ARHGAP15: variants seen among roughly 807,000 people sequenced by gnomAD.
ARHGAP15 encodes the protein rho GTPase-activating protein 15.
Under a neutral mutation model 63.7 loss-of-function variants are expected in ARHGAP15, and 51 were observed. The ratio of observed to expected loss-of-function variants is 0.80; its 90% CI spans 0.64 to 1.01. The LOEUF (loss-of-function observed/expected upper bound fraction) is 1.01, where lower values mean the gene tolerates loss of function less well. ARHGAP15 is among the 50% of genes least tolerant of loss of function. The probability of loss-of-function intolerance (pLI) is 0.00; values close to 1 mark genes in which losing one functional copy is unlikely to be tolerated. For synonymous variants in ARHGAP15, 191 were observed against 193.8 expected (o/e 0.99, Z 0.12); for missense variants, 560 against 564.6 (o/e 0.99, Z 0.08).
intron 12 of ARHGAP15, among the ~76,000 whole-genome samples, chr2:143,644,227 A>C (rs1559098989): frequency 6.6e-6 from 1 of 152,064 alleles, no homozygotes; most frequent in Non-Finnish European, 1.5e-5. Context: ...GTATGATCTA[A>C]TGGTAATAGA....
chr2:143,138,433 A>G (rs537822524), intron 1 of ARHGAP15, among the ~76,000 whole-genome samples: 1 of 152,116 alleles, frequency 6.6e-6, no homozygotes, highest in African/African-American at 2.4e-5. Context: ...GCTGAACTTT[A>G]TTCATGAGGC....
At chr2:143,495,986 ATCT>A (rs1046850917) in intron 9 of ARHGAP15, among the ~76,000 whole-genome samples, 1 of 152,188 alleles carries the variant, frequency 6.6e-6, no homozygotes, top group Admixed American at 6.5e-5. Context: ...TATCTTGTAA[ATCT>A]TCTTTTTTAA....
At chr2:143,344,056 TTGCC>T in intron 6 of ARHGAP15, 1 of 152,194 alleles carries the variant, frequency 6.6e-6, no homozygotes. Flanking sequence ...AAAAAACAGA[TTGCC>T]AGGCAGGCTT....
At chr2:143,155,754 A>G in intron 2 of ARHGAP15, 99 bp downstream of exon 2, 2 of 1,271,892 alleles carry the variant, frequency 1.6e-6, no homozygotes, top group Non-Finnish European at 2.2e-6. Context: ...TGTTTTCCTA[A>G]TGTGCATGAG....
intron 6 of ARHGAP15, among the ~76,000 whole-genome samples, chr2:143,266,606 A>C (rs1681010852): frequency 6.6e-6 from 1 of 152,188 alleles, no homozygotes; most frequent in Non-Finnish European, 1.5e-5. Context: ...AAAATGAAAC[A>C]TTTCTGAGAT....
At chr2:143,201,997 C>T in intron 2 of ARHGAP15, 137 bp from the exon 3 acceptor site, 1 of 726,746 alleles carries the variant, frequency 1.4e-6, no homozygotes, top group South Asian at 1.6e-5. Flanking sequence ...AGTCAATGTC[C>T]AAAACATTTA....
At chr2:143,742,614 G>A (rs147457768) in intron 13 of ARHGAP15, among the ~76,000 whole-genome samples, 169 of 152,320 alleles carry the variant, frequency 1.1e-3, no homozygotes, top group Middle Eastern at 6.8e-3. Flanking sequence ...TTTACAAAAC[G>A]ATTCCAATCT....
chr2:143,309,602 A>G (rs903468189), intron 6 of ARHGAP15, among the ~76,000 whole-genome samples: 1 of 152,096 alleles, frequency 6.6e-6, no homozygotes, highest in Non-Finnish European at 1.5e-5. Context: ...GTTAGTTGAT[A>G]CAAATACTTG....
intron 4 of ARHGAP15, among the ~76,000 whole-genome samples, chr2:143,227,457 A>G (rs1693254467): frequency 6.6e-6 from 1 of 152,130 alleles, no homozygotes; most frequent in Non-Finnish European, 1.5e-5. Flanking sequence ...TTCTTAATGG[A>G]GGATAGAGGT....
intron 8 of ARHGAP15, among the ~76,000 whole-genome samples, chr2:143,446,123 G>C (rs1051705197): frequency 2.0e-5 from 3 of 149,358 alleles, no homozygotes; most frequent in Non-Finnish European, 4.5e-5. Flanking sequence ...TCTTGAAATT[G>C]AGTTTCCAGA....
At chr2:143,371,778 A>G (rs148167324) in intron 6 of ARHGAP15, among the ~76,000 whole-genome samples, 252 of 152,304 alleles carry the variant, frequency 1.7e-3, no homozygotes, top group African/African-American at 6.0e-3. Context: ...GCAATCATTT[A>G]TATGTGTACT....
intron 13 of ARHGAP15, among the ~76,000 whole-genome samples, chr2:143,764,058 AT>A (rs938415013): frequency 7.5e-4 from 114 of 152,206 alleles, no homozygotes; most frequent in African/African-American, 2.7e-3. Flanking sequence ...TTAAAAATTT[AT>A]TTTTTAAATG....
intron 12 of ARHGAP15, among the ~76,000 whole-genome samples, chr2:143,657,962 T>C (rs1681543843): frequency 6.6e-6 from 1 of 152,262 alleles, no homozygotes; most frequent in Admixed American, 6.5e-5. Flanking sequence ...AGTTCTCTCC[T>C]ATCTTTCAAT....
At chr2:143,384,566 A>T (rs1393086376) in intron 6 of ARHGAP15, among the ~76,000 whole-genome samples, 6 of 8,844 alleles carry the variant, frequency 6.8e-4, no homozygotes, top group East Asian at 2.2e-3. Context: ...TTTTAGAGTT[A>T]AAAAAAAAAA....
chr2:143,561,697 G>A (rs1696036359), intron 11 of ARHGAP15, among the ~76,000 whole-genome samples: 1 of 151,772 alleles, frequency 6.6e-6, no homozygotes, highest in Non-Finnish European at 1.5e-5. Context: ...TGTATTTTTA[G>A]TAGAGACAAG....
chr2:143,676,532 T>A (rs1682834033), intron 12 of ARHGAP15: 1 of 152,170 alleles, frequency 6.6e-6, no homozygotes, highest in Non-Finnish European at 1.5e-5. Context: ...ATTGTAGGTT[T>A]TTTCATTGGC....
chr2:143,429,308 G>T (rs375595979), intron 6 of ARHGAP15, among the ~76,000 whole-genome samples: 9 of 151,642 alleles, frequency 5.9e-5, no homozygotes, highest in Non-Finnish European at 1.2e-4. Flanking sequence ...AAGTAATATG[G>T]GGTGTGAATG....
chr2:143,726,349 T>A (rs1685276424), intron 13 of ARHGAP15, among the ~76,000 whole-genome samples: 1 of 152,130 alleles, frequency 6.6e-6, no homozygotes, highest in African/African-American at 2.4e-5. Flanking sequence ...GCAGTGTTTT[T>A]AGACAGCTCT....
intron 2 of ARHGAP15, among the ~76,000 whole-genome samples, chr2:143,183,861 G>A (rs999458365): frequency 6.6e-6 from 1 of 151,930 alleles, no homozygotes; most frequent in Non-Finnish European, 1.5e-5. Context: ...CTTTATAAAT[G>A]ATCAAGTTGG....
Sources: allele counts gnomAD v4.1 joint callset (sites outside exome capture counted in the v4.1 genomes callset), GRCh38; gene constraint gnomAD v4.1.1; transcripts MANE v1.5; gene names NCBI Gene and HGNC (gene_info 2026-07-23, HGNC 2026-07-21).